The following STK32B variants were observed in gnomAD, a reference collection of about 807,000 sequenced individuals.
STK32B encodes the protein serine/threonine kinase 32B.
In STK32B, 43 loss-of-function variants were observed where a neutral mutation model predicts 52.6. That is an observed-to-expected ratio of 0.82 (90% CI 0.64 to 1.05). The LOEUF is 1.05. STK32B is among the 50% of genes least tolerant of loss of function. The pLI is 0.00. For synonymous variants in STK32B, 238 were observed against 204.3 expected (o/e 1.17, Z -1.41); for missense variants, 621 against 534.6 (o/e 1.16, Z -1.59).
intron 3 of STK32B, among the ~76,000 whole-genome samples, chr4:5,200,274 C>A (rs1392774990): frequency 6.7e-6 from 1 of 148,946 alleles, no homozygotes; most frequent in Non-Finnish European, 1.5e-5. Flanking sequence ...TTTTTAATTG[C>A]CTTGCTCTCT....
chr4:5,339,061 C>T (rs188008154), intron 4 of STK32B, among the ~76,000 whole-genome samples: 41 of 151,344 alleles, frequency 2.7e-4, no homozygotes, highest in Admixed American at 1.4e-3. Context: ...ACTCTTTCTA[C>T]TTGACTGAAT....
At chr4:5,038,661 TAAAC>T in the STK32B span, among the ~76,000 whole-genome samples, 1 of 152,114 alleles carries the variant, frequency 6.6e-6, no homozygotes, top group African/African-American at 2.4e-5. Context: ...AGGTATAAAA[TAAAC>T]AATAATAAAC....
At chr4:5,214,312 G>C (rs1348356814) in intron 3 of STK32B, 2 of 152,298 alleles carry the variant, frequency 1.3e-5, no homozygotes. Context: ...GTTTCCTGAG[G>C]CCTCCCCAGC....
chr4:5,305,070 T>A lies in STK32B; in HGVS notation c.261-26150T>A, dbSNP rs141564026. 3.0e-4 allele frequency among the ~76,000 whole-genome samples: 45 copies of A among 152,242 alleles called. No homozygotes were observed. In the East Asian group the frequency reaches 8.7e-3, roughly 29 times the overall value. On this transcript the variant is annotated intron_variant, in intron 3 of 11. Transcript: ENST00000282908. ...ATCATGGTGGATTATTTTTTAGATA[T>A]GCTGTTGGATTCCCTTAGATAATAT...
intron 6 of STK32B, among the ~76,000 whole-genome samples, chr4:5,426,692 C>CAAAAAAAAAAAAAAAAAAA (rs746246839): frequency 3.8e-5 from 3 of 78,026 alleles, no homozygotes; most frequent in African/African-American, 9.5e-5. Context: ...TCCATCTAAA[C>CAAAAAAAAAAAAAAAAAAA]AAAAAAAAAA....
intron 3 of STK32B, among the ~76,000 whole-genome samples, chr4:5,264,316 C>G (rs1044013409): frequency 6.6e-6 from 1 of 152,088 alleles, no homozygotes; most frequent in African/African-American, 2.4e-5. Flanking sequence ...TGTTAGTTTT[C>G]TTAATTATAG....
the STK32B span, among the ~76,000 whole-genome samples, chr4:5,043,611 C>G: frequency 6.6e-6 from 1 of 152,210 alleles, no homozygotes; most frequent in South Asian, 2.1e-4. Flanking sequence ...GGCCGTTTTG[C>G]TACATGAGGT....
chr4:5,076,312 A>G (rs1051814088), intron 1 of STK32B, among the ~76,000 whole-genome samples: 1 of 152,190 alleles, frequency 6.6e-6, no homozygotes, highest in Non-Finnish European at 1.5e-5. Context: ...ACAATTGCAT[A>G]TTATCCTAAG....
chr4:5,185,682 T>G (rs16836784), intron 3 of STK32B, among the ~76,000 whole-genome samples: 11,860 of 152,170 alleles, frequency 0.078, 809 homozygotes, highest in Admixed American at 0.18. Context: ...TGCTATAGGC[T>G]CCTAACTACT....
the STK32B span, among the ~76,000 whole-genome samples, chr4:5,024,011 G>A: frequency 2.6e-5 from 4 of 152,180 alleles, no homozygotes; most frequent in African/African-American, 9.7e-5. Context: ...GGGTTTTCTG[G>A]AAAGTGCAAT....
intron 3 of STK32B, among the ~76,000 whole-genome samples, chr4:5,213,689 T>G (rs912088535): frequency 3.3e-5 from 5 of 152,208 alleles, no homozygotes; most frequent in African/African-American, 1.2e-4. Flanking sequence ...GCGAAGCTTC[T>G]TGTCTCATTT....
intron 1 of STK32B, among the ~76,000 whole-genome samples, chr4:5,127,456 A>C: frequency 6.6e-6 from 1 of 152,160 alleles, no homozygotes; most frequent in East Asian, 1.9e-4. Context: ...ATTCAGTTAC[A>C]TCCAGTCATC....
intron 5 of STK32B, among the ~76,000 whole-genome samples, chr4:5,413,979 A>G (rs568211198): frequency 6.6e-6 from 1 of 152,234 alleles, no homozygotes; most frequent in African/African-American, 2.4e-5. Context: ...GATTTACTCA[A>G]AATAAAAGTA....
At chr4:5,317,520 TA>T (rs1326981275) in intron 3 of STK32B, among the ~76,000 whole-genome samples, 2 of 106,596 alleles carry the variant, frequency 1.9e-5, no homozygotes, top group Admixed American at 2.4e-4. Context: ...ATAATATATT[TA>T]TTATATATAT....
intron 3 of STK32B, among the ~76,000 whole-genome samples, chr4:5,196,298 T>C (rs1158870369): frequency 6.6e-6 from 1 of 150,956 alleles, no homozygotes; most frequent in Non-Finnish European, 1.5e-5. Flanking sequence ...TCTTCTTTCC[T>C]TTTCCCTCTC....
the STK32B span, among the ~76,000 whole-genome samples, chr4:5,025,011 T>C: frequency 6.6e-6 from 1 of 152,048 alleles, no homozygotes; most frequent in Admixed American, 6.5e-5. Context: ...GGCCAAACCC[T>C]TTACCTATTT....
intron 1 of STK32B, among the ~76,000 whole-genome samples, chr4:5,118,801 G>T (rs570200856): frequency 1.3e-5 from 2 of 152,234 alleles, no homozygotes; most frequent in African/African-American, 4.8e-5. Context: ...GACCCAGGTG[G>T]GCTCTCCATT....
chr4:5,104,121 A>T (rs1319704817), intron 1 of STK32B, among the ~76,000 whole-genome samples: 1 of 152,108 alleles, frequency 6.6e-6, no homozygotes, highest in Non-Finnish European at 1.5e-5. Flanking sequence ...CCCAAATTTC[A>T]TCTTGAATTA....
At chr4:5,110,578 C>T (rs1028857831) in intron 1 of STK32B, among the ~76,000 whole-genome samples, 2 of 152,004 alleles carry the variant, frequency 1.3e-5, no homozygotes, top group African/African-American at 4.8e-5. Context: ...GAGGCTGGAC[C>T]CCTATCTCTT....
Sources: gnomAD v4.1 joint callset for allele counts (sites outside exome capture counted in the v4.1 genomes callset) on GRCh38, gnomAD v4.1.1 for gene constraint, MANE v1.5 for transcripts, NCBI Gene and HGNC (gene_info 2026-07-23, HGNC 2026-07-21) for gene names.